CDC42BPA: variants seen among roughly 807,000 people sequenced by gnomAD.
CDC42BPA encodes the protein CDC42 binding protein kinase alpha.
In CDC42BPA, 80 loss-of-function variants were observed where a neutral mutation model predicts 223.5. The ratio of observed to expected loss-of-function variants is 0.36; its 90% CI spans 0.30 to 0.43. CDC42BPA has a LOEUF of 0.43. Among genes scored for constraint, CDC42BPA ranks in the 20% least tolerant of loss-of-function variants. The probability of loss-of-function intolerance (pLI) is 1.00; values close to 1 mark genes in which losing one functional copy is unlikely to be tolerated. For missense variants in CDC42BPA, 1,743 were observed against 2,099.9 expected, an observed-to-expected ratio of 0.83 and a Z score of 3.32; for synonymous variants, 694 against 718.6, an observed-to-expected ratio of 0.97 and a Z score of 0.55.
intron 21 of CDC42BPA, 44 bp from the exon 22 acceptor site, chr1:227,052,029 T>C: frequency 8.2e-7 from 1 of 1,225,636 alleles, no homozygotes; most frequent in South Asian, 1.2e-5. Context: ...AAAAATCACT[T>C]TTCAACAATG....
At chr1:227,210,907 G>A (rs1031120548) in intron 3 of CDC42BPA, among the ~76,000 whole-genome samples, 1 of 152,108 alleles carries the variant, frequency 6.6e-6, no homozygotes, top group Non-Finnish European at 1.5e-5. Flanking sequence ...GGTGTATAAA[G>A]GTCTAGACAT....
chr1:227,010,615 T>G (rs1664988333), intron 34 of CDC42BPA, among the ~76,000 whole-genome samples: 1 of 152,186 alleles, frequency 6.6e-6, no homozygotes, highest in Non-Finnish European at 1.5e-5. Flanking sequence ...TAGATAAATC[T>G]TTAATACTGT....
intron 2 of CDC42BPA, among the ~76,000 whole-genome samples, chr1:227,242,873 C>T (rs1367117156): frequency 3.3e-5 from 5 of 152,172 alleles, no homozygotes; most frequent in African/African-American, 1.2e-4. Flanking sequence ...CACAAGCACA[C>T]ATACATTCAC....
intron 21 of CDC42BPA, among the ~76,000 whole-genome samples, chr1:227,067,178 G>A (rs1215828074): frequency 2.6e-5 from 4 of 152,162 alleles, no homozygotes; most frequent in African/African-American, 9.7e-5. Context: ...TGGAGGAAAA[G>A]TAACACTGGG....
chr1:227,306,343 T>G (rs1455725632), intron 1 of CDC42BPA, among the ~76,000 whole-genome samples: 2 of 152,148 alleles, frequency 1.3e-5, no homozygotes, highest in African/African-American at 4.8e-5. Context: ...CTGAGCCAGA[T>G]GCACACAGAG....
intron 21 of CDC42BPA, among the ~76,000 whole-genome samples, chr1:227,068,157 CAT>C (rs1317485153): frequency 4.0e-5 from 6 of 151,720 alleles, no homozygotes; most frequent in African/African-American, 1.4e-4. Context: ...ATCAATTAAA[CAT>C]TGATTTATTT....
intron 11 of CDC42BPA, among the ~76,000 whole-genome samples, chr1:227,127,161 C>G (rs1048500475): frequency 4.6e-5 from 7 of 151,978 alleles, no homozygotes; most frequent in Admixed American, 4.6e-4. Context: ...AAATACGATA[C>G]CATTTGGAAT....
chr1:227,180,051 C>A (rs894674605), intron 5 of CDC42BPA, among the ~76,000 whole-genome samples: 1 of 151,734 alleles, frequency 6.6e-6, no homozygotes, highest in East Asian at 1.9e-4. Flanking sequence ...ACTAAAAATA[C>A]AAAACTTAGC....
At chr1:227,263,612 T>A (rs1684480176) in intron 1 of CDC42BPA, among the ~76,000 whole-genome samples, 1 of 148,830 alleles carries the variant, frequency 6.7e-6, no homozygotes, top group African/African-American at 2.5e-5. Context: ...AAACGGAGTC[T>A]CGCTCTGCAC....
At chr1:227,132,768 C>T (rs1290538726) in intron 10 of CDC42BPA, among the ~76,000 whole-genome samples, 1 of 151,214 alleles carries the variant, frequency 6.6e-6, no homozygotes, top group Non-Finnish European at 1.5e-5. Context: ...ATGTGGAGAG[C>T]GCCTCTGCCC....
intron 2 of CDC42BPA, among the ~76,000 whole-genome samples, chr1:227,225,149 G>A (rs1326153144): frequency 3.3e-5 from 5 of 152,080 alleles, no homozygotes; most frequent in Non-Finnish European, 7.4e-5. Flanking sequence ...GGTAAGAAAA[G>A]TTCATTATAT....
Position 227,029,122 on chromosome 1 carries a change from G to T in CDC42BPA, c.3967C>A (p.Arg1323=). The T allele has an allele frequency of 6.2e-7, 1 of 1,611,504 alleles. No homozygotes were observed. The change falls in exon 30 of 37, where the codon CGA becomes AGA. Residue 1323 remains arginine (R), a synonymous_variant. Transcript: ENST00000366766. ...RLFPMSALDG[R]ETDFYKLSET... ...GACAGCTTGTAAAAATCGGTCTCTCGCCCATCCAATGCTGACATAGGAAAA... is the reference window on the plus strand; with the variant it reads ...GACAGCTTGTAAAAATCGGTCTCTCTCCCATCCAATGCTGACATAGGAAAA...
chr1:227,029,908 G>A (rs531394683), intron 29 of CDC42BPA, among the ~76,000 whole-genome samples: 1 of 151,726 alleles, frequency 6.6e-6, no homozygotes, highest in Non-Finnish European at 1.5e-5. Context: ...GCCAAGGCGG[G>A]TGGATCACCT....
intron 11 of CDC42BPA, among the ~76,000 whole-genome samples, chr1:227,126,829 CAG>C (rs1266068868): frequency 1.1e-4 from 16 of 152,096 alleles, no homozygotes; most frequent in African/African-American, 3.9e-4. Context: ...AGTACAGAAA[CAG>C]AGGAAAATGA....
intron 31 of CDC42BPA, among the ~76,000 whole-genome samples, chr1:227,024,676 A>C (rs73089703): frequency 0.03 from 4,609 of 152,316 alleles, 207 homozygotes; most frequent in African/African-American, 0.1. Flanking sequence ...AGAAAGCAAG[A>C]TAGAAAATGA....
At chr1:227,199,127 T>C (rs1671290824) in intron 4 of CDC42BPA, among the ~76,000 whole-genome samples, 1 of 152,138 alleles carries the variant, frequency 6.6e-6, no homozygotes, top group South Asian at 2.1e-4. Context: ...AATTTAAAAA[T>C]GTAAAGTTAG....
rs536399057 is a variant in CDC42BPA, at chr1:227,312,923, T to C, written c.178+4082A>G. Among the ~76,000 whole-genome samples the C allele has an allele frequency of 1.3e-4, 20 of 152,258 alleles. No individual in the cohort carries two copies. The South Asian group carries it at 3.7e-3, about 28-fold the overall frequency. ...TCGGCTTCTCCTTTGCCTTTTACCA[T>C]GATTGCAAGTTTCCTGAGGCCTCCC... On this transcript the variant is annotated intron_variant, in intron 1 of 36. Coordinates refer to ENST00000366766, the MANE Select transcript of CDC42BPA (RefSeq NM_001394014.1).
chr1:227,264,537 T>C (rs1684649103), intron 1 of CDC42BPA, among the ~76,000 whole-genome samples: 1 of 147,846 alleles, frequency 6.8e-6, no homozygotes. Context: ...GAATGAAACA[T>C]ACATTTTAGG....
intron 3 of CDC42BPA, among the ~76,000 whole-genome samples, chr1:227,202,239 C>T (rs6426592): frequency 0.69 from 104,275 of 151,646 alleles, 36,029 homozygotes; most frequent in South Asian, 0.74. Context: ...ACCTTGGCCT[C>T]CCAAAGAGCT....
Sources: allele counts gnomAD v4.1 joint callset (sites outside exome capture counted in the v4.1 genomes callset), GRCh38; gene constraint gnomAD v4.1.1; transcripts MANE v1.5; gene names NCBI Gene and HGNC (gene_info 2026-07-23, HGNC 2026-07-21).